NTRK3: variants seen among roughly 807,000 people sequenced by gnomAD.
The protein encoded by NTRK3 is NT-3 growth factor receptor.
In NTRK3, 24 loss-of-function variants were observed where a neutral mutation model predicts 91.7. The ratio of observed to expected loss-of-function variants is 0.26; its 90% CI spans 0.19 to 0.37. NTRK3 has a LOEUF of 0.37. NTRK3 is among the 10% of genes least tolerant of loss of function. NTRK3 has a pLI of 1.00. For synonymous variants in NTRK3, 483 were observed against 404.0 expected, an observed-to-expected ratio of 1.20 and a Z score of -2.34; for missense variants, 880 against 1,068.9, an observed-to-expected ratio of 0.82 and a Z score of 2.46.
intron 3 of NTRK3, among the ~76,000 whole-genome samples, chr15:88,210,831 G>A (rs960635036): frequency 1.3e-5 from 2 of 152,166 alleles, no homozygotes; most frequent in African/African-American, 4.8e-5. Flanking sequence ...GCGGGCTCCT[G>A]GGACAGCTGC....
chr15:88,037,333 G>A (rs1250273189), intron 13 of NTRK3, among the ~76,000 whole-genome samples: 2 of 152,158 alleles, frequency 1.3e-5, no homozygotes. Flanking sequence ...AGGCCGAGGT[G>A]AGCAGATCAT....
At chr15:88,043,179 G>A (rs560978481) in intron 13 of NTRK3, among the ~76,000 whole-genome samples, 7 of 152,294 alleles carry the variant, frequency 4.6e-5, no homozygotes, top group African/African-American at 1.7e-4. Flanking sequence ...GCATCCTGGA[G>A]GGAAGGCAGA....
chr15:87,911,207 G>A (rs2067070964), intron 17 of NTRK3, among the ~76,000 whole-genome samples: 1 of 152,158 alleles, frequency 6.6e-6, no homozygotes, highest in Non-Finnish European at 1.5e-5. Context: ...TTCAGGCTGT[G>A]AATGTGTAGA....
intron 5 of NTRK3, among the ~76,000 whole-genome samples, chr15:88,154,110 C>CAAAAAAA (rs397736752): frequency 2.3e-5 from 2 of 86,638 alleles, no homozygotes; most frequent in African/African-American, 4.0e-5. Context: ...ATAGACTTTG[C>CAAAAAAA]AAAAAAAAAA....
intron 13 of NTRK3, among the ~76,000 whole-genome samples, chr15:88,113,311 C>CT (rs60232101): frequency 0.034 from 3,821 of 111,458 alleles, 363 homozygotes; most frequent in African/African-American, 0.1. Context: ...TGATCAATTT[C>CT]TTTTTTTTTT....
At chr15:88,034,405 A>T (rs1429745775) in intron 13 of NTRK3, among the ~76,000 whole-genome samples, 1 of 152,220 alleles carries the variant, frequency 6.6e-6, no homozygotes, top group Non-Finnish European at 1.5e-5. Context: ...GGCAAAGATA[A>T]TTAACGCTGC....
chr15:88,136,420 T>C (rs1253152376), intron 8 of NTRK3, 47 bp downstream of exon 8: 1 of 1,613,566 alleles, frequency 6.2e-7, no homozygotes, highest in Non-Finnish European at 8.5e-7. Flanking sequence ...GACTACAGTG[T>C]GATCACTCCC....
chr15:88,128,712 C>A (rs369612960), exon 11 of NTRK3: 1 of 1,613,956 alleles, frequency 6.2e-7, no homozygotes, highest in Non-Finnish European at 8.5e-7. Flanking sequence ...CAGACTTACA[C>A]AAGATAAAGT....
At chr15:88,076,949 G>A (rs2047602611) in intron 13 of NTRK3, among the ~76,000 whole-genome samples, 1 of 152,022 alleles carries the variant, frequency 6.6e-6, no homozygotes, top group African/African-American at 2.4e-5. Context: ...CAAAAAATTA[G>A]CCGGGTGCAG....
chr15:88,023,950 C>T (rs576039223), intron 14 of NTRK3, among the ~76,000 whole-genome samples: 4 of 152,316 alleles, frequency 2.6e-5, no homozygotes, highest in East Asian at 1.9e-4. Context: ...TCTGCAAGTC[C>T]ATTATGCTGA....
chr15:87,862,155 T>C (rs1264425484), exon 19 of NTRK3: 4 of 219,744 alleles, frequency 1.8e-5, no homozygotes, highest in Admixed American at 5.8e-5. Context: ...CTAGAGAATC[T>C]TGTGCCATGG....
intron 16 of NTRK3, among the ~76,000 whole-genome samples, chr15:87,930,881 C>G (rs2068736653): frequency 6.6e-6 from 1 of 152,020 alleles, no homozygotes; most frequent in South Asian, 2.1e-4. Flanking sequence ...TAGAGAGACT[C>G]CCCCATGCTG....
Position 88,145,610 on chromosome 15 carries a change from C to G in NTRK3, c.464+1725G>C, listed in dbSNP as rs886837900. Among the ~76,000 whole-genome samples, 6 of 152,276 alleles carry G rather than the reference C, an allele frequency of 3.9e-5. No individual in the cohort carries two copies. In the East Asian group the frequency reaches 1.2e-3, roughly 29 times the overall value. On this transcript the variant is annotated intron_variant, in intron 6 of 18. Transcript: ENST00000394480. ...TTCTAAAACTCCACGTAACAGGTCA[C>G]CAGGGCAGCAGCACACCATTGATTT...
intron 3 of NTRK3, among the ~76,000 whole-genome samples, chr15:88,215,550 G>A (rs1863481): frequency 1.3e-5 from 2 of 152,274 alleles, no homozygotes; most frequent in African/African-American, 2.4e-5. Context: ...GGCAGCTCAG[G>A]GGAGCCAGGC....
At chr15:87,870,984 G>T (rs150801800) in exon 19 of NTRK3, 1 of 231,150 alleles carries the variant, frequency 4.3e-6, no homozygotes, top group Non-Finnish European at 8.6e-6. Flanking sequence ...ATGAAAGAAA[G>T]ATAGCCAAGC....
intron 17 of NTRK3, among the ~76,000 whole-genome samples, chr15:87,887,730 T>C (rs1191530160): frequency 6.6e-6 from 1 of 152,150 alleles, no homozygotes; most frequent in African/African-American, 2.4e-5. Context: ...TGGTAAAACT[T>C]AGCCAGACAT....
At chr15:88,060,656 G>A (rs978880848) in intron 13 of NTRK3, among the ~76,000 whole-genome samples, 1 of 152,096 alleles carries the variant, frequency 6.6e-6, no homozygotes, top group Admixed American at 6.5e-5. Context: ...AACTGAGCAC[G>A]GGGGAACAGC....
chr15:88,178,307 A>G (rs774604896), intron 5 of NTRK3, among the ~76,000 whole-genome samples: 1 of 152,254 alleles, frequency 6.6e-6, no homozygotes, highest in Non-Finnish European at 1.5e-5. Flanking sequence ...TAATAAATCC[A>G]TGTCACCATT....
Position 88,026,303 on chromosome 15 carries a change from T to TA in NTRK3, c.1585+6553dup, listed in dbSNP as rs549137031. 2.3e-4 allele frequency among the ~76,000 whole-genome samples: 35 copies of TA among 151,514 alleles called. 1 individual carries two copies. The East Asian group carries it at 4.9e-3, about 21-fold the overall frequency. On this transcript the variant is annotated intron_variant, in intron 14 of 18. Coordinates refer to ENST00000394480, the Ensembl canonical transcript of NTRK3. ...ATAAATAAGTAAATAAAATAAAAAA[T>TA]AAAAAAATAAATGAGCGATCAAGCC... is the stretch of plus-strand genomic sequence containing the variant.
Sources: gnomAD v4.1 joint callset for allele counts (sites outside exome capture counted in the v4.1 genomes callset) on GRCh38, gnomAD v4.1.1 for gene constraint, MANE v1.5 for transcripts, NCBI Gene and HGNC (gene_info 2026-07-23, HGNC 2026-07-21) for gene names.